The following RASA2 variants were observed in gnomAD, a reference collection of about 807,000 sequenced individuals.
RASA2 encodes RAS p21 protein activator 2, also known as ras GTPase-activating protein 2.
In RASA2, 155 loss-of-function variants were observed where a neutral mutation model predicts 118.2. The ratio of observed to expected loss-of-function variants is 1.31; its 90% confidence interval spans 1.15 to 1.50. RASA2 has a LOEUF of 1.50. Among genes scored for constraint, RASA2 ranks in the 40% most tolerant of loss-of-function variants. The pLI is 0.00. For missense variants in RASA2, 1,016 were observed against 1,009.6 expected (o/e 1.01, Z -0.09); for synonymous variants, 353 against 349.1 (o/e 1.01, Z -0.12).
chr3:141,590,903 T>G (rs1267357197), intron 19 of RASA2, among the ~76,000 whole-genome samples: 1 of 152,194 alleles, frequency 6.6e-6, no homozygotes, highest in East Asian at 1.9e-4. Flanking sequence ...TTGAGGCCCC[T>G]TTAGGCAAGT....
intron 2 of RASA2, among the ~76,000 whole-genome samples, chr3:141,515,952 A>G (rs142443621): frequency 0.027 from 4,071 of 149,962 alleles, 197 homozygotes; most frequent in African/African-American, 0.095. Flanking sequence ...TCGCAAAGAC[A>G]AAAAAACCAA....
Position 141,558,172 on chromosome 3 carries a change from T to C in RASA2, c.685-714T>C, listed in dbSNP as rs550061341. Reference sequence around the variant, plus strand: ...CTCATTTTTAAGTGAGGGTAATAAATCTAGCCCTGTCCGCCTCTGAGCAGC... The same window carrying C: ...CTCATTTTTAAGTGAGGGTAATAAACCTAGCCCTGTCCGCCTCTGAGCAGC... On this transcript the variant is annotated intron_variant, in intron 7 of 23. Transcript: ENST00000286364. Among the ~76,000 whole-genome samples, 391 of 152,308 alleles carry C rather than the reference T, an allele frequency of 2.6e-3. 2 individuals are homozygous for C. The highest frequency in any genetic ancestry group is 9.0e-3 in the African/African-American group (376 of 41,570).
chr3:141,543,598 T>TA (rs1371092643), intron 5 of RASA2, among the ~76,000 whole-genome samples: 1 of 152,188 alleles, frequency 6.6e-6, no homozygotes, highest in African/African-American at 2.4e-5. Context: ...CTCTTGGTGA[T>TA]ACATTCTCTT....
chr3:141,560,520 T>A (rs1222780115), intron 9 of RASA2, among the ~76,000 whole-genome samples: 1 of 152,184 alleles, frequency 6.6e-6, no homozygotes, highest in Non-Finnish European at 1.5e-5. Flanking sequence ...GAGCTGGCAC[T>A]TTTTAGGGCT....
At chr3:141,571,089 A>G in intron 10 of RASA2, 21 bp downstream of exon 10, 1 of 1,575,374 alleles carries the variant, frequency 6.3e-7, no homozygotes, top group Non-Finnish European at 8.6e-7. Context: ...AATCTTAAGG[A>G]TATGATTTAA....
intron 4 of RASA2, among the ~76,000 whole-genome samples, chr3:141,536,234 C>T (rs2082323279): frequency 6.6e-6 from 1 of 152,166 alleles, no homozygotes; most frequent in Admixed American, 6.5e-5. Context: ...GCACTTCTTA[C>T]ATGGCAGTGG....
At chr3:141,555,722 T>C in intron 6 of RASA2, 118 bp from the exon 7 acceptor site, 1 of 766,590 alleles carries the variant, frequency 1.3e-6, no homozygotes, top group Non-Finnish European at 2.1e-6. Flanking sequence ...TAAAACTGAA[T>C]CTTCCCTGAG....
intron 1 of RASA2, among the ~76,000 whole-genome samples, chr3:141,496,930 G>A (rs2081710964): frequency 6.6e-6 from 1 of 152,236 alleles, no homozygotes; most frequent in Non-Finnish European, 1.5e-5. Context: ...GTCCATCAGT[G>A]ATAGACTGGG....
Position 141,573,149 on chromosome 3 carries a change from ATG to A in RASA2, c.1290_1291del (p.Cys430Ter). The A allele has an allele frequency of 6.4e-7, 1 of 1,554,282 alleles. No homozygotes were observed. ...VTLKPILDEICDSSKSCEIDP... is the reference protein window; with the variant it reads ...VTLKPILDEIXDSSKSCEIDP... The stretch of plus-strand genomic sequence containing the variant: ...TAACTGAAAAATTTATTTTTCAGAT[ATG>A]TGACTCCTCAAAATCCTGTGAAATC... On this transcript the variant is annotated frameshift_variant, in exon 13 of 24. Transcript: ENST00000286364. LOFTEE classifies it high-confidence loss of function.
chr3:141,556,884 G>A (rs775115695), intron 7 of RASA2, among the ~76,000 whole-genome samples: 13 of 151,962 alleles, frequency 8.6e-5, no homozygotes, highest in South Asian at 2.1e-4. Flanking sequence ...TTGTGGAGGG[G>A]GAAGCAAGGG....
chr3:141,580,653 A>G (rs1204807022), intron 16 of RASA2, among the ~76,000 whole-genome samples: 3 of 152,088 alleles, frequency 2.0e-5, no homozygotes, highest in African/African-American at 7.2e-5. Flanking sequence ...AGCTGGGCAT[A>G]GTGACTTGTG....
chr3:141,553,828 T>C (rs575749988), intron 5 of RASA2, 29 bp from the exon 6 acceptor site: 2 of 1,585,928 alleles, frequency 1.3e-6, no homozygotes, highest in South Asian at 2.3e-5. Context: ...TGGAATCTAA[T>C]ATGTTAAATC....
chr3:141,581,801 A>G (rs1042403731), intron 17 of RASA2, among the ~76,000 whole-genome samples: 1 of 152,218 alleles, frequency 6.6e-6, no homozygotes, highest in South Asian at 2.1e-4. Flanking sequence ...GTAGTATATA[A>G]TATCCTAACA....
chr3:141,574,379 C>T (rs970878849), intron 14 of RASA2, among the ~76,000 whole-genome samples: 19 of 151,712 alleles, frequency 1.3e-4, no homozygotes, highest in Admixed American at 7.9e-4. Context: ...TTAGTAGAGA[C>T]GGGGTTTCAC....
intron 9 of RASA2, among the ~76,000 whole-genome samples, chr3:141,563,995 A>G (rs1477058817): frequency 6.6e-6 from 1 of 150,904 alleles, no homozygotes; most frequent in Non-Finnish European, 1.5e-5. Flanking sequence ...TCAAGTAGAC[A>G]TAGATGAGAT....
chr3:141,548,263 CT>C (rs1172179143), intron 5 of RASA2, among the ~76,000 whole-genome samples: 2 of 152,006 alleles, frequency 1.3e-5, no homozygotes, highest in Non-Finnish European at 1.5e-5. Context: ...GGTATTAGTT[CT>C]TCTTGAAATA....
chr3:141,573,254 TA>T, intron 13 of RASA2, 33 bp downstream of exon 13: 1 of 1,524,162 alleles, frequency 6.6e-7, no homozygotes, highest in Non-Finnish European at 8.7e-7. Context: ...ATAATTGCAT[TA>T]AAATTGGTCT....
At chr3:141,559,001 T>C (rs2082689969) in intron 8 of RASA2, 39 bp downstream of exon 8, 1 of 1,497,806 alleles carries the variant, frequency 6.7e-7, no homozygotes, top group Middle Eastern at 1.7e-4. Context: ...CTTTTTTGTA[T>C]ACCAAAAGAA....
At chr3:141,553,573 T>G (rs2082604591) in intron 5 of RASA2, among the ~76,000 whole-genome samples, 3 of 152,272 alleles carry the variant, frequency 2.0e-5, no homozygotes, top group Middle Eastern at 3.4e-3. Flanking sequence ...GGACTTTGGA[T>G]TTTTGAATTT....
Sources: allele counts gnomAD v4.1 joint callset (sites outside exome capture counted in the v4.1 genomes callset), GRCh38; gene constraint gnomAD v4.1.1; transcripts MANE v1.5; gene names NCBI Gene and HGNC (gene_info 2026-07-23, HGNC 2026-07-21).